NELL2: variants seen among roughly 807,000 people sequenced by gnomAD.
The protein encoded by NELL2 is protein kinase C-binding protein NELL2.
NELL2 carries 41 observed loss-of-function variants against 109.6 expected under a neutral mutation model. The ratio of observed to expected loss-of-function variants is 0.37; its 90% CI spans 0.29 to 0.49. The LOEUF (loss-of-function observed/expected upper bound fraction) is 0.49. NELL2 is among the 20% of genes least tolerant of loss of function. The pLI is 0.98. For missense variants in NELL2, 900 were observed against 1,008.3 expected (o/e 0.89, Z 1.45); for synonymous variants, 355 against 344.7 (o/e 1.03, Z -0.33).
At chr12:44,572,344 C>G (rs1213744185) in intron 15 of NELL2, among the ~76,000 whole-genome samples, 1 of 152,002 alleles carries the variant, frequency 6.6e-6, no homozygotes, top group Non-Finnish European at 1.5e-5. Context: ...GTGATGGGAT[C>G]TCCCTATGTT....
chr12:44,637,514 G>A (rs1283706870), intron 13 of NELL2, among the ~76,000 whole-genome samples: 2 of 134,932 alleles, frequency 1.5e-5, no homozygotes, highest in Admixed American at 8.9e-5. Flanking sequence ...TTTTGTGAGC[G>A]AATAACAGGG....
Position 44,708,183 on chromosome 12 carries a change from T to A in NELL2, c.1189+3109A>T, listed in dbSNP as rs916978125. Among the ~76,000 whole-genome samples the A allele has an allele frequency of 2.0e-5, 3 of 152,204 alleles. No individual in the cohort carries two copies. The East Asian group carries it at 5.8e-4, about 29-fold the overall frequency. On this transcript the variant is annotated intron_variant, in intron 11 of 19. Transcript: ENST00000429094. Reference sequence around the variant, plus strand: ...TGTCATGTGGTAATCTGTTATAAGCTTCCTTGAAAGGGCTCTCTAATTTGA... The same window carrying A: ...TGTCATGTGGTAATCTGTTATAAGCATCCTTGAAAGGGCTCTCTAATTTGA...
intron 13 of NELL2, among the ~76,000 whole-genome samples, chr12:44,636,532 TAAGATA>T (rs1269848801): frequency 1.3e-5 from 2 of 152,192 alleles, no homozygotes; most frequent in African/African-American, 4.8e-5. Flanking sequence ...CTGCATCTAT[TAAGATA>T]ATCATGTGGT....
Position 44,824,965 on chromosome 12 carries a change from C to T in NELL2, c.185-8829G>A, listed in dbSNP as rs549872484. Reference sequence around the variant, plus strand: ...GACCTCGTGATCCACCCATCTCGGCCTCCCAAAATGCTGGGATTACAGGCG... The same window carrying T: ...GACCTCGTGATCCACCCATCTCGGCTTCCCAAAATGCTGGGATTACAGGCG... On this transcript the variant is annotated intron_variant, in intron 2 of 19. Coordinates refer to ENST00000429094, the MANE Select transcript of NELL2 (RefSeq NM_001145108.2). Among the ~76,000 whole-genome samples the T allele has an allele frequency of 1.1e-3, 172 of 152,172 alleles. 2 individuals carry two copies. The South Asian group carries it at 0.013, about 12-fold the overall frequency.
intron 12 of NELL2, among the ~76,000 whole-genome samples, chr12:44,669,081 G>A (rs1250380399): frequency 6.6e-6 from 1 of 152,118 alleles, no homozygotes; most frequent in African/African-American, 2.4e-5. Context: ...CATCACCAAA[G>A]CCTCCACTAA....
chr12:44,622,883 A>G, intron 13 of NELL2, among the ~76,000 whole-genome samples: 1 of 152,170 alleles, frequency 6.6e-6, no homozygotes, highest in East Asian at 1.9e-4. Context: ...ACAAGATAAA[A>G]GATAATTTCC....
At chr12:44,870,032 C>T (rs907216946) in intron 2 of NELL2, among the ~76,000 whole-genome samples, 10 of 152,102 alleles carry the variant, frequency 6.6e-5, no homozygotes, top group African/African-American at 2.4e-4. Flanking sequence ...TTTTGCTTTC[C>T]ACATAACCAC....
At chr12:44,706,458 T>A (rs1937884530) in intron 11 of NELL2, among the ~76,000 whole-genome samples, 1 of 152,176 alleles carries the variant, frequency 6.6e-6, no homozygotes. Flanking sequence ...TAGTTGCATT[T>A]CCATTCATAT....
intron 2 of NELL2, among the ~76,000 whole-genome samples, chr12:44,827,411 G>GTT (rs35241789): frequency 0.04 from 5,015 of 126,522 alleles, 224 homozygotes; most frequent in Admixed American, 0.071. Context: ...TCTTCTAACT[G>GTT]TTTTTTTTTT....
At position 44,834,755 on chromosome 12, in the gene NELL2, CG is replaced by C. The variant is rs1370939338; in HGVS notation, c.185-18620del. 2.0e-5 allele frequency among the ~76,000 whole-genome samples: 3 copies of C among 152,146 alleles called. No individual in the cohort carries two copies. In the East Asian group the frequency reaches 5.8e-4, roughly 29 times the overall value. ...ACCTCCATCCCACCCCAGCAGATCC[CG>C]GGGTCTTCTCCCACACACACAACCT... On this transcript the variant is annotated intron_variant, in intron 2 of 19. Transcript: ENST00000429094.
intron 2 of NELL2, among the ~76,000 whole-genome samples, chr12:44,836,140 T>A (rs1168865370): frequency 6.6e-6 from 1 of 152,180 alleles, no homozygotes; most frequent in African/African-American, 2.4e-5. Context: ...GAGAGGAAAC[T>A]AAAGCAGAAG....
intron 1 of NELL2, among the ~76,000 whole-genome samples, chr12:44,910,168 A>G (rs1389385399): frequency 6.6e-6 from 1 of 152,058 alleles, no homozygotes; most frequent in African/African-American, 2.4e-5. Flanking sequence ...AGCAAAAGAA[A>G]CTATCAACAG....
intron 15 of NELL2, among the ~76,000 whole-genome samples, chr12:44,566,190 G>A (rs1943650935): frequency 6.6e-6 from 1 of 152,154 alleles, no homozygotes; most frequent in Non-Finnish European, 1.5e-5. Context: ...AATGGCAAAT[G>A]TGATGTAGTG....
intron 1 of NELL2, among the ~76,000 whole-genome samples, chr12:44,887,655 T>C (rs1384676857): frequency 6.6e-6 from 1 of 151,016 alleles, no homozygotes; most frequent in Non-Finnish European, 1.5e-5. Context: ...TGTGTGTGTG[T>C]GTGTTGTTGT....
chr12:44,662,150 A>C (rs1461664616), intron 13 of NELL2, among the ~76,000 whole-genome samples: 1 of 152,178 alleles, frequency 6.6e-6, no homozygotes, highest in South Asian at 2.1e-4. Context: ...TCATTTCCAC[A>C]ACTTTGGAAT....
intron 15 of NELL2, among the ~76,000 whole-genome samples, chr12:44,533,094 C>T (rs1400872855): frequency 5.9e-5 from 9 of 152,118 alleles, no homozygotes; most frequent in Non-Finnish European, 8.8e-5. Context: ...GTCACTTAAG[C>T]CAGTTAAGGA....
At chr12:44,870,188 T>C (rs1021324316) in intron 2 of NELL2, among the ~76,000 whole-genome samples, 2 of 152,202 alleles carry the variant, frequency 1.3e-5, no homozygotes, top group African/African-American at 4.8e-5. Context: ...CTTATGATAA[T>C]TTAGGAATAT....
intron 2 of NELL2, among the ~76,000 whole-genome samples, chr12:44,874,247 T>TAAC (rs896897826): frequency 6.6e-5 from 10 of 152,134 alleles, no homozygotes; most frequent in African/African-American, 1.9e-4. Context: ...GGCACCAAAA[T>TAAC]AACAACAACA....
chr12:44,913,795 T>C, intron 1 of NELL2: 1 of 834,044 alleles, frequency 1.2e-6, no homozygotes, highest in Non-Finnish European at 1.8e-6. Context: ...AAGAAAGAAC[T>C]CACATTTTGA....
Sources: gnomAD v4.1 joint callset for allele counts (sites outside exome capture counted in the v4.1 genomes callset) on GRCh38, gnomAD v4.1.1 for gene constraint, MANE v1.5 for transcripts, NCBI Gene and HGNC (gene_info 2026-07-23, HGNC 2026-07-21) for gene names.